The following SPAG16 variants were observed in gnomAD, a reference collection of about 807,000 sequenced individuals.
SPAG16 encodes sperm-associated antigen 16 protein.
SPAG16 carries 86 observed loss-of-function variants against 80.4 expected under a neutral mutation model. The ratio of observed to expected loss-of-function variants is 1.07; its 90% confidence interval spans 0.90 to 1.28. The LOEUF (loss-of-function observed/expected upper bound fraction) is 1.28, where lower values mean the gene tolerates loss of function less well. Ranked by LOEUF, SPAG16 falls within the 50% of genes most tolerant of loss-of-function variation. The pLI is 0.00. For missense variants in SPAG16, 870 were observed against 765.3 expected (o/e 1.14, Z -1.61); for synonymous variants, 294 against 265.9 (o/e 1.11, Z -1.03).
intron 15 of SPAG16, among the ~76,000 whole-genome samples, chr2:214,344,390 TC>T (rs1309885694): frequency 1.3e-5 from 2 of 152,182 alleles, no homozygotes; most frequent in Non-Finnish European, 2.9e-5. Flanking sequence ...GGTATCAAAT[TC>T]CTTGCTTTTA....
chr2:213,318,646 AT>A (rs2063499323), intron 5 of SPAG16, among the ~76,000 whole-genome samples: 1 of 151,858 alleles, frequency 6.6e-6, no homozygotes, highest in Non-Finnish European at 1.5e-5. Flanking sequence ...AAAATAAAAA[AT>A]TTTAAAAAAG....
At chr2:213,470,056 C>T (rs1448508189) in intron 9 of SPAG16, among the ~76,000 whole-genome samples, 1 of 152,100 alleles carries the variant, frequency 6.6e-6, no homozygotes, top group African/African-American at 2.4e-5. Context: ...TCCACTTCCA[C>T]CCCTTGATTC....
At chr2:213,941,205 A>G (rs756998548) in intron 12 of SPAG16, among the ~76,000 whole-genome samples, 26 of 152,196 alleles carry the variant, frequency 1.7e-4, no homozygotes, top group Non-Finnish European at 2.4e-4. Context: ...CCTGTCATCA[A>G]CAAAATATTC....
At chr2:213,718,574 C>T (rs1278034893) in intron 10 of SPAG16, among the ~76,000 whole-genome samples, 2 of 152,200 alleles carry the variant, frequency 1.3e-5, no homozygotes, top group Non-Finnish European at 2.9e-5. Context: ...TTGGTGGGCC[C>T]CGCACTGGAA....
At chr2:213,666,797 A>T (rs573215807) in intron 10 of SPAG16, among the ~76,000 whole-genome samples, 1 of 152,346 alleles carries the variant, frequency 6.6e-6, no homozygotes, top group East Asian at 1.9e-4. Context: ...TAGGTGGAGA[A>T]GGAAGGCCAG....
At chr2:213,354,981 GT>G (rs1333055812) in intron 7 of SPAG16, among the ~76,000 whole-genome samples, 1 of 152,126 alleles carries the variant, frequency 6.6e-6, no homozygotes, top group Non-Finnish European at 1.5e-5. Context: ...CTGTTCTAGG[GT>G]TTTTATGGTT....
chr2:213,957,003 T>C (rs1024447404), intron 12 of SPAG16, among the ~76,000 whole-genome samples: 13 of 152,184 alleles, frequency 8.5e-5, no homozygotes, highest in African/African-American at 2.9e-4. Context: ...GAAGATACTT[T>C]GTATCTTTTA....
At chr2:213,816,452 C>T (rs902349650) in intron 10 of SPAG16, among the ~76,000 whole-genome samples, 3 of 152,004 alleles carry the variant, frequency 2.0e-5, no homozygotes, top group African/African-American at 7.2e-5. Flanking sequence ...ATAGCTAGAT[C>T]GTAGGACATG....
At chr2:213,668,097 C>T (rs1041497717) in intron 10 of SPAG16, among the ~76,000 whole-genome samples, 11 of 151,996 alleles carry the variant, frequency 7.2e-5, no homozygotes, top group East Asian at 1.9e-4. Context: ...TGTGCCACCA[C>T]GCCCAGCTAA....
intron 12 of SPAG16, among the ~76,000 whole-genome samples, chr2:213,961,351 AT>A (rs2044408461): frequency 1.3e-5 from 2 of 152,112 alleles, no homozygotes; most frequent in African/African-American, 2.4e-5. Flanking sequence ...CAAATAGAGA[AT>A]TTTACTTCTT....
At chr2:214,406,482 T>C (rs1233157004) in intron 15 of SPAG16, among the ~76,000 whole-genome samples, 1 of 152,174 alleles carries the variant, frequency 6.6e-6, no homozygotes, top group Non-Finnish European at 1.5e-5. Context: ...GGGATTCTAT[T>C]GTTAATAATG....
At chr2:213,654,464 G>T (rs2063138862) in intron 10 of SPAG16, among the ~76,000 whole-genome samples, 1 of 148,674 alleles carries the variant, frequency 6.7e-6, no homozygotes, top group South Asian at 2.1e-4. Flanking sequence ...TGGGAGGCCA[G>T]GGCGGGTGGA....
intron 9 of SPAG16, among the ~76,000 whole-genome samples, chr2:213,463,748 T>C (rs1446111143): frequency 6.6e-6 from 1 of 152,242 alleles, no homozygotes; most frequent in African/African-American, 2.4e-5. Flanking sequence ...GGAGAAACTC[T>C]GCTAGGGGAG....
intron 15 of SPAG16, among the ~76,000 whole-genome samples, chr2:214,386,874 G>GAAAAA (rs5838432): frequency 7.0e-6 from 1 of 143,614 alleles, no homozygotes; most frequent in East Asian, 2.0e-4. Context: ...CAAAAAAAGA[G>GAAAAA]AAAAAAAAAA....
At chr2:214,360,919 A>C (rs550299690) in intron 15 of SPAG16, among the ~76,000 whole-genome samples, 1 of 151,936 alleles carries the variant, frequency 6.6e-6, no homozygotes, top group Admixed American at 6.6e-5. Flanking sequence ...AGGAAGAGAA[A>C]ATGATTTTTA....
At chr2:213,522,317 C>A (rs1457597822) in intron 10 of SPAG16, among the ~76,000 whole-genome samples, 1 of 152,120 alleles carries the variant, frequency 6.6e-6, no homozygotes, top group Admixed American at 6.5e-5. Flanking sequence ...TCACATGAGA[C>A]AATATATTTT....
At chr2:213,378,182 T>A (rs1219424147) in intron 9 of SPAG16, among the ~76,000 whole-genome samples, 1 of 152,122 alleles carries the variant, frequency 6.6e-6, no homozygotes, top group Non-Finnish European at 1.5e-5. Context: ...TAGGAGCTGA[T>A]TAGATGTTGC....
intron 15 of SPAG16, among the ~76,000 whole-genome samples, chr2:214,313,124 T>C (rs565726022): frequency 1.1e-3 from 160 of 151,200 alleles, no homozygotes; most frequent in Non-Finnish European, 2.0e-3. Flanking sequence ...CAAAATACTT[T>C]AAAAAAAAAC....
At position 214,122,560 on chromosome 2, in the gene SPAG16, A is replaced by G. The variant is rs191096563; in HGVS notation, c.1593+14299A>G. ...TTCAAACAGCAAGCACTCAATATCA[A>G]TCTCTGGCCATTTTATATAAAGAAA... On this transcript the variant is annotated intron_variant, in intron 14 of 15. Transcript: ENST00000331683. Among the ~76,000 whole-genome samples, 13 of 151,978 alleles carry G rather than the reference A, an allele frequency of 8.6e-5. No individual in the cohort carries two copies. The East Asian group carries it at 1.7e-3, about 20-fold the overall frequency.
Sources: allele counts gnomAD v4.1 joint callset (sites outside exome capture counted in the v4.1 genomes callset), GRCh38; gene constraint gnomAD v4.1.1; transcripts MANE v1.5; gene names NCBI Gene and HGNC (gene_info 2026-07-23, HGNC 2026-07-21).